Variants in UNC5D observed in about 807,000 individuals in gnomAD.
UNC5D encodes netrin receptor UNC5D.
UNC5D carries 39 observed loss-of-function variants against 105.4 expected under a neutral mutation model. The ratio of observed to expected loss-of-function variants is 0.37; its 90% CI spans 0.29 to 0.48. The LOEUF is 0.48. Ranked by LOEUF, UNC5D falls within the 20% of genes least tolerant of loss-of-function variation. UNC5D has a pLI of 0.98. For synonymous variants in UNC5D, 452 were observed against 450.4 expected (o/e 1.00, Z -0.04); for missense variants, 991 against 1,202.4 (o/e 0.82, Z 2.60).
intron 7 of UNC5D, among the ~76,000 whole-genome samples, chr8:35,696,675 C>T (rs1314742187): frequency 6.6e-6 from 1 of 152,010 alleles, no homozygotes; most frequent in Non-Finnish European, 1.5e-5. Context: ...TTGATTCCAC[C>T]TATTCTCTTT....
At chr8:35,735,321 T>A (rs1829411238) in intron 11 of UNC5D, among the ~76,000 whole-genome samples, 1 of 147,416 alleles carries the variant, frequency 6.8e-6, no homozygotes, top group Non-Finnish European at 1.5e-5. Context: ...AGCAATAAAA[T>A]GAAACCAAAG....
chr8:35,286,793 C>T (rs1316401219), intron 1 of UNC5D, among the ~76,000 whole-genome samples: 2 of 152,210 alleles, frequency 1.3e-5, no homozygotes, highest in East Asian at 3.9e-4. Flanking sequence ...GGCATATCCT[C>T]TGGCCTTGTC....
chr8:35,564,232 T>G (rs753073356), intron 2 of UNC5D, among the ~76,000 whole-genome samples: 5 of 152,238 alleles, frequency 3.3e-5, no homozygotes, highest in Non-Finnish European at 7.4e-5. Flanking sequence ...GCTGAAGAGA[T>G]GAAAGTGTCT....
At chr8:35,525,299 C>T in intron 1 of UNC5D, 1 of 1,612,200 alleles carries the variant, frequency 6.2e-7, no homozygotes, top group Non-Finnish European at 8.5e-7. Context: ...GTGCACTCCC[C>T]TCTTTGCCTT....
chr8:35,248,893 A>AATATATAATATATTATATATAAAC (rs1803436979), intron 1 of UNC5D, among the ~76,000 whole-genome samples: 3 of 90,450 alleles, frequency 3.3e-5, no homozygotes, highest in Non-Finnish European at 5.6e-5. Flanking sequence ...ATATTATATA[A>AATATATAATATATTATATATAAAC]ATATATAATA....
chr8:35,378,381 G>A (rs1422152573), intron 1 of UNC5D, among the ~76,000 whole-genome samples: 1 of 152,138 alleles, frequency 6.6e-6, no homozygotes, highest in Admixed American at 6.5e-5. Flanking sequence ...CACAGCAAAA[G>A]GACTTGAAGA....
At chr8:35,693,040 C>CAAAT (rs1826515661) in intron 7 of UNC5D, among the ~76,000 whole-genome samples, 1 of 152,118 alleles carries the variant, frequency 6.6e-6, no homozygotes, top group Admixed American at 6.6e-5. Context: ...CCCCATGCCC[C>CAAAT]AAATAAATGC....
intron 1 of UNC5D, among the ~76,000 whole-genome samples, chr8:35,271,743 T>TATAAATGTATACATGTATACATATATATG (rs1563268511): frequency 1.5e-5 from 2 of 130,646 alleles, no homozygotes; most frequent in Non-Finnish European, 3.3e-5. Context: ...ACATATATAT[T>TATAAATGTATACATGTATACATATATATG]TATACATGTA....
chr8:35,265,646 G>A (rs550192716), intron 1 of UNC5D, among the ~76,000 whole-genome samples: 2 of 152,100 alleles, frequency 1.3e-5, no homozygotes, highest in African/African-American at 4.8e-5. Context: ...CGATGTGGGC[G>A]GATCACCAGG....
intron 6 of UNC5D, among the ~76,000 whole-genome samples, chr8:35,685,883 G>A: frequency 6.6e-6 from 1 of 152,086 alleles, no homozygotes. Context: ...ACCCACATAA[G>A]CATGGTTGAA....
chr8:35,383,658 A>G (rs1219486469), intron 1 of UNC5D, among the ~76,000 whole-genome samples: 1 of 152,258 alleles, frequency 6.6e-6, no homozygotes, highest in African/African-American at 2.4e-5. Context: ...CAAATGAAGC[A>G]GAACAGGTGG....
rs146676776 is a variant in UNC5D at position 35,632,789 on chromosome 8, G to C, written c.570+37132G>C. ...CAGGCCAGAGGGGCTCAGGCAAGGAGAGGAGTCTAGGCTGGCCCACGAGGG... is the reference window on the plus strand; with the variant it reads ...CAGGCCAGAGGGGCTCAGGCAAGGACAGGAGTCTAGGCTGGCCCACGAGGG... On this transcript the variant is annotated intron_variant, in intron 4 of 16. Coordinates refer to ENST00000404895, the MANE Select transcript of UNC5D (RefSeq NM_080872.4). Among the ~76,000 whole-genome samples, 543 of 152,290 alleles carry C rather than the reference G, an allele frequency of 3.6e-3. 6 individuals are homozygous for C. The highest frequency in any genetic ancestry group is 0.012 in the African/African-American group (508 of 41,554).
intron 16 of UNC5D, among the ~76,000 whole-genome samples, chr8:35,779,834 A>C (rs6468340): frequency 6.6e-6 from 1 of 152,088 alleles, no homozygotes; most frequent in Non-Finnish European, 1.5e-5. Context: ...GATCTTGAAA[A>C]TGAGTCTTAA....
intron 1 of UNC5D, among the ~76,000 whole-genome samples, chr8:35,439,922 A>T (rs1807283617): frequency 6.6e-6 from 1 of 152,078 alleles, no homozygotes; most frequent in South Asian, 2.1e-4. Flanking sequence ...TCACTTTTAA[A>T]GGTAAACTGA....
At chr8:35,598,532 C>A (rs1819630270) in intron 4 of UNC5D, among the ~76,000 whole-genome samples, 1 of 152,162 alleles carries the variant, frequency 6.6e-6, no homozygotes, top group African/African-American at 2.4e-5. Flanking sequence ...CTTGATCCAG[C>A]AATTCCACTA....
At chr8:35,260,566 C>A (rs150106360) in intron 1 of UNC5D, among the ~76,000 whole-genome samples, 1 of 152,026 alleles carries the variant, frequency 6.6e-6, no homozygotes, top group Non-Finnish European at 1.5e-5. Context: ...TGGGTTCAAG[C>A]GATTCTCCAG....
At chr8:35,493,316 A>T (rs1811337415) in intron 1 of UNC5D, among the ~76,000 whole-genome samples, 1 of 151,248 alleles carries the variant, frequency 6.6e-6, no homozygotes, top group African/African-American at 2.4e-5. Context: ...ACACCAAAAA[A>T]CAAAAACAAA....
At chr8:35,769,103 A>T (rs1223147071) in intron 15 of UNC5D, among the ~76,000 whole-genome samples, 3 of 152,148 alleles carry the variant, frequency 2.0e-5, no homozygotes, top group African/African-American at 4.8e-5. Flanking sequence ...TTCAGATATC[A>T]TTTCATTTGC....
At chr8:35,471,847 A>G (rs1484214476) in intron 1 of UNC5D, among the ~76,000 whole-genome samples, 1 of 152,200 alleles carries the variant, frequency 6.6e-6, no homozygotes, top group African/African-American at 2.4e-5. Context: ...TGAGTTATTA[A>G]AAGAGGAAGC....
Sources: allele counts gnomAD v4.1 joint callset (sites outside exome capture counted in the v4.1 genomes callset), GRCh38; gene constraint gnomAD v4.1.1; transcripts MANE v1.5; gene names NCBI Gene and HGNC (gene_info 2026-07-23, HGNC 2026-07-21).